The following CDH4 variants were observed in gnomAD, a reference collection of about 807,000 sequenced individuals.
The protein encoded by CDH4 is cadherin 4.
In CDH4, 33 loss-of-function variants were observed where a neutral mutation model predicts 86.0. The observed-to-expected ratio is 0.38, with a 90% CI of 0.29 to 0.51. CDH4 has a LOEUF of 0.51. Ranked by LOEUF, CDH4 falls within the 20% of genes least tolerant of loss-of-function variation. The probability of loss-of-function intolerance (pLI) is 0.86; values close to 1 mark genes in which losing one functional copy is unlikely to be tolerated. For missense variants in CDH4, 1,114 were observed against 1,307.4 expected (o/e 0.85, Z 2.28); for synonymous variants, 555 against 549.4 (o/e 1.01, Z -0.14).
At chr20:61,471,419 T>A (rs1412793707) in intron 2 of CDH4, among the ~76,000 whole-genome samples, 1 of 152,064 alleles carries the variant, frequency 6.6e-6, no homozygotes, top group Non-Finnish European at 1.5e-5. Flanking sequence ...CTCTCTTTTT[T>A]TTCTCAATCT....
intron 4 of CDH4, among the ~76,000 whole-genome samples, chr20:61,776,418 C>T (rs546268496): frequency 1.1e-4 from 17 of 152,316 alleles, no homozygotes; most frequent in African/African-American, 3.8e-4. Context: ...CTGCAAATTC[C>T]GTGCTCCCAG....
At chr20:61,722,322 G>A (rs2088051709) in intron 2 of CDH4, among the ~76,000 whole-genome samples, 1 of 152,180 alleles carries the variant, frequency 6.6e-6, no homozygotes, top group South Asian at 2.1e-4. Flanking sequence ...AGCCCAGCGT[G>A]CTGGTCATGC....
chr20:61,303,339 C>T (rs953687544), intron 2 of CDH4, among the ~76,000 whole-genome samples: 5 of 152,210 alleles, frequency 3.3e-5, no homozygotes, highest in East Asian at 1.9e-4. Flanking sequence ...GGTCCAGGTG[C>T]CTGGCCTGGT....
chr20:61,424,179 CAT>C (rs1336123654), intron 2 of CDH4, among the ~76,000 whole-genome samples: 2 of 150,858 alleles, frequency 1.3e-5, no homozygotes, highest in Middle Eastern at 3.5e-3. Context: ...TGTATCCACA[CAT>C]AGCACACATG....
intron 4 of CDH4, among the ~76,000 whole-genome samples, chr20:61,799,315 A>G (rs532162844): frequency 1.3e-5 from 2 of 152,366 alleles, no homozygotes; most frequent in South Asian, 4.1e-4. Context: ...TACCTCCAGG[A>G]GAAAAAGGTT....
intron 4 of CDH4, among the ~76,000 whole-genome samples, chr20:61,785,702 C>G (rs1435981781): frequency 6.6e-6 from 1 of 152,172 alleles, no homozygotes; most frequent in East Asian, 1.9e-4. Flanking sequence ...GTGTAGAGAC[C>G]TTGCCCAGGT....
At chr20:61,525,805 G>A (rs1282278524) in intron 2 of CDH4, among the ~76,000 whole-genome samples, 1 of 152,098 alleles carries the variant, frequency 6.6e-6, no homozygotes, top group African/African-American at 2.4e-5. Flanking sequence ...TTTCAGGGAG[G>A]AAGACTCTCT....
At chr20:61,775,727 C>T (rs2088833032) in intron 4 of CDH4, among the ~76,000 whole-genome samples, 1 of 152,118 alleles carries the variant, frequency 6.6e-6, no homozygotes, top group Admixed American at 6.5e-5. Context: ...AATTTGAGGG[C>T]CCTCATCTGC....
At chr20:61,929,494 C>A (rs552844023) in intron 12 of CDH4, 115 bp from the exon 13 acceptor site, 30 of 725,058 alleles carry the variant, frequency 4.1e-5, no homozygotes, top group Non-Finnish European at 9.7e-6. Flanking sequence ...TGTGTGGTAA[C>A]CAGGCAGCCA....
chr20:61,373,050 T>TA (rs1318690592), intron 2 of CDH4, among the ~76,000 whole-genome samples: 2 of 152,390 alleles, frequency 1.3e-5, no homozygotes, highest in African/African-American at 4.8e-5. Context: ...GATTCCTGGC[T>TA]AATTTTCTAG....
chr20:61,869,211 T>A (rs1226666962), intron 6 of CDH4, among the ~76,000 whole-genome samples: 3 of 152,222 alleles, frequency 2.0e-5, no homozygotes, highest in Non-Finnish European at 4.4e-5. Context: ...TCCCCTGTAT[T>A]TTTAAAAACC....
At chr20:61,844,581 T>C (rs1437484792) in intron 4 of CDH4, 87 bp from the exon 5 acceptor site, 1 of 1,307,450 alleles carries the variant, frequency 7.6e-7, no homozygotes, top group African/African-American at 1.5e-5. Flanking sequence ...CTCGAGGAAC[T>C]CATGAGAGGG....
intron 2 of CDH4, among the ~76,000 whole-genome samples, chr20:61,507,637 A>C (rs2145608602): frequency 6.6e-6 from 1 of 152,314 alleles, no homozygotes; most frequent in South Asian, 2.1e-4. Flanking sequence ...TCAAACCATC[A>C]AGGTCACCAA....
chr20:61,844,868 T>C lies in CDH4; in HGVS notation c.732+45T>C, dbSNP rs756105524. The C allele has an allele frequency of 2.5e-6, 4 of 1,571,038 alleles. No individual in the cohort carries two copies. The Admixed American group carries it at 6.9e-5, about 27-fold the overall frequency. ...TGAGAATGGGGCCCTGGGGTGGCGA[T>C]CCCAGCCCTACCAGGCCTTGGCAGG... is the stretch of plus-strand genomic sequence containing the variant. On this transcript the variant is annotated intron_variant, in intron 5 of 15. Transcript: ENST00000614565.
intron 2 of CDH4, among the ~76,000 whole-genome samples, chr20:61,310,816 G>T (rs538542787): frequency 2.0e-5 from 3 of 152,248 alleles, no homozygotes; most frequent in South Asian, 2.1e-4. Context: ...TTCCTTCTGC[G>T]TGTCTGCGTC....
chr20:61,337,505 G>A (rs377273672), intron 2 of CDH4, among the ~76,000 whole-genome samples: 58 of 151,882 alleles, frequency 3.8e-4, no homozygotes, highest in African/African-American at 1.4e-3. Flanking sequence ...TGATAAAAAC[G>A]GATGATGATG....
At chr20:61,841,288 G>A (rs1982157979) in intron 4 of CDH4, among the ~76,000 whole-genome samples, 2 of 152,226 alleles carry the variant, frequency 1.3e-5, no homozygotes, top group South Asian at 4.1e-4. Context: ...GGGGCTGGTG[G>A]GCTCTGTACT....
chr20:61,723,632 G>A (rs999494606), intron 2 of CDH4, among the ~76,000 whole-genome samples: 15 of 152,350 alleles, frequency 9.8e-5, no homozygotes, highest in African/African-American at 3.6e-4. Flanking sequence ...AACGCACCTG[G>A]GACAAGAGGG....
chr20:61,857,801 G>T (rs1325912213), intron 6 of CDH4, among the ~76,000 whole-genome samples: 1 of 152,274 alleles, frequency 6.6e-6, no homozygotes, highest in Non-Finnish European at 1.5e-5. Context: ...CGCAGTGCAG[G>T]TCACAGCCAG....
Sources: gnomAD v4.1 joint callset for allele counts (sites outside exome capture counted in the v4.1 genomes callset) on GRCh38, gnomAD v4.1.1 for gene constraint, MANE v1.5 for transcripts, NCBI Gene and HGNC (gene_info 2026-07-23, HGNC 2026-07-21) for gene names.